KLHL1: variants seen among roughly 807,000 people sequenced by gnomAD.
The protein encoded by KLHL1 is kelch like family member 1, also known as kelch-like protein 1.
Under a neutral mutation model 77.7 loss-of-function variants are expected in KLHL1, and 47 were observed. The ratio of observed to expected loss-of-function variants is 0.60; its 90% CI spans 0.48 to 0.77. The LOEUF (loss-of-function observed/expected upper bound fraction) is 0.77. KLHL1 is among the 30% of genes least tolerant of loss of function. The pLI is 0.00. For synonymous variants in KLHL1, 360 were observed against 325.2 expected, an observed-to-expected ratio of 1.11 and a Z score of -1.15; for missense variants, 925 against 910.8, an observed-to-expected ratio of 1.02 and a Z score of -0.20.
intron 5 of KLHL1, among the ~76,000 whole-genome samples, chr13:69,869,222 G>T (rs187354607): frequency 8.6e-5 from 13 of 151,982 alleles, no homozygotes; most frequent in African/African-American, 1.9e-4. Context: ...GATAATAGCC[G>T]ATCCTTACTG....
intron 5 of KLHL1, among the ~76,000 whole-genome samples, chr13:69,858,437 A>C (rs1253022799): frequency 6.6e-6 from 1 of 152,120 alleles, no homozygotes; most frequent in Admixed American, 6.6e-5. Context: ...TGCAAGCTTG[A>C]AAACAAGATG....
chr13:69,879,328 A>T (rs1880892524), intron 5 of KLHL1, among the ~76,000 whole-genome samples: 1 of 152,146 alleles, frequency 6.6e-6, no homozygotes, highest in Admixed American at 6.6e-5. Flanking sequence ...TATTCTCAAA[A>T]TAACTTCCCC....
intron 3 of KLHL1, among the ~76,000 whole-genome samples, chr13:69,945,001 T>C (rs1883475701): frequency 6.9e-6 from 1 of 144,874 alleles, no homozygotes; most frequent in Non-Finnish European, 1.5e-5. Flanking sequence ...TTTTTTTTTT[T>C]TTCAGATGGA....
chr13:70,001,930 A>G (rs1371944326), intron 1 of KLHL1, among the ~76,000 whole-genome samples: 2 of 151,670 alleles, frequency 1.3e-5, no homozygotes, highest in Non-Finnish European at 3.0e-5. Context: ...GGAAAACCTT[A>G]TAAGAGCTGG....
chr13:69,881,668 A>C (rs185319512), intron 5 of KLHL1, among the ~76,000 whole-genome samples: 6 of 152,300 alleles, frequency 3.9e-5, no homozygotes, highest in African/African-American at 1.4e-4. Context: ...TCATGTTCTT[A>C]TTAATTTTTC....
chr13:70,107,093 AC>A, intron 1 of KLHL1, 109 bp downstream of exon 1: 1 of 1,485,270 alleles, frequency 6.7e-7, no homozygotes. Flanking sequence ...GCATCTCTTA[AC>A]CCACATTTTC....
At chr13:70,025,039 A>G (rs916005994) in intron 1 of KLHL1, among the ~76,000 whole-genome samples, 6 of 152,056 alleles carry the variant, frequency 3.9e-5, no homozygotes, top group Admixed American at 6.6e-5. Context: ...TTTCGAATGC[A>G]TAAGTTTAGG....
intron 1 of KLHL1, among the ~76,000 whole-genome samples, chr13:70,005,645 T>A (rs988666122): frequency 6.6e-6 from 1 of 151,964 alleles, no homozygotes; most frequent in African/African-American, 2.4e-5. Flanking sequence ...AAACACTGCA[T>A]GTTTTAATAA....
chr13:69,801,800 A>G (rs1398515700), intron 6 of KLHL1, among the ~76,000 whole-genome samples: 2 of 152,196 alleles, frequency 1.3e-5, no homozygotes, highest in Non-Finnish European at 2.9e-5. Flanking sequence ...ATTTGTAGTA[A>G]TATCAAATTT....
At chr13:69,864,739 C>T (rs1222251565) in intron 5 of KLHL1, among the ~76,000 whole-genome samples, 1 of 152,044 alleles carries the variant, frequency 6.6e-6, no homozygotes, top group Non-Finnish European at 1.5e-5. Flanking sequence ...TTATTAAATG[C>T]CCAATGTATG....
intron 7 of KLHL1, among the ~76,000 whole-genome samples, chr13:69,748,724 C>T (rs1294479633): frequency 2.0e-5 from 3 of 151,858 alleles, no homozygotes; most frequent in East Asian, 1.9e-4. Context: ...GATAACAGTG[C>T]TCGGCAAATG....
chr13:69,958,643 A>G (rs775667722), intron 3 of KLHL1, among the ~76,000 whole-genome samples: 1 of 151,784 alleles, frequency 6.6e-6, no homozygotes, highest in Non-Finnish European at 1.5e-5. Flanking sequence ...ACCTATCTCT[A>G]TTAAACACAT....
intron 3 of KLHL1, among the ~76,000 whole-genome samples, chr13:69,941,109 T>C (rs1181175067): frequency 6.6e-6 from 1 of 151,972 alleles, no homozygotes; most frequent in Non-Finnish European, 1.5e-5. Context: ...CTAAAACAAA[T>C]GGATTTAACA....
At chr13:70,032,464 C>T (rs75195967) in intron 1 of KLHL1, among the ~76,000 whole-genome samples, 4,113 of 152,022 alleles carry the variant, frequency 0.027, 88 homozygotes, top group African/African-American at 0.055. Flanking sequence ...ATAGTGGATC[C>T]CAATATCATA....
intron 3 of KLHL1, among the ~76,000 whole-genome samples, chr13:69,951,978 T>A (rs917660106): frequency 9.2e-5 from 14 of 151,576 alleles, no homozygotes; most frequent in African/African-American, 3.4e-4. Context: ...CATTGAGTTA[T>A]GTCATAGATT....
chr13:69,834,286 A>T (rs906573536), intron 6 of KLHL1, among the ~76,000 whole-genome samples: 8 of 150,646 alleles, frequency 5.3e-5, no homozygotes, highest in African/African-American at 2.0e-4. Flanking sequence ...ATGAAATTAC[A>T]ATTAGTTAAA....
intron 3 of KLHL1, among the ~76,000 whole-genome samples, chr13:69,959,393 G>A (rs914985405): frequency 7.3e-5 from 11 of 151,596 alleles, no homozygotes; most frequent in Non-Finnish European, 1.6e-4. Flanking sequence ...AATTATCCTG[G>A]CTACCTCTTG....
At chr13:69,710,098 C>T (rs562229815) in intron 9 of KLHL1, among the ~76,000 whole-genome samples, 73 of 151,320 alleles carry the variant, frequency 4.8e-4, no homozygotes, top group African/African-American at 1.6e-3. Flanking sequence ...TATATATATA[C>T]TTAATAGGTC....
intron 1 of KLHL1, among the ~76,000 whole-genome samples, chr13:70,010,544 C>A (rs1051236928): frequency 6.6e-6 from 1 of 151,914 alleles, no homozygotes. Context: ...CATGGGGGTA[C>A]ATAGTAAATA....
Sources: allele counts gnomAD v4.1 joint callset (sites outside exome capture counted in the v4.1 genomes callset), GRCh38; gene constraint gnomAD v4.1.1; transcripts MANE v1.5; gene names NCBI Gene and HGNC (gene_info 2026-07-23, HGNC 2026-07-21).